KMT2C: variants seen among roughly 807,000 people sequenced by gnomAD.
KMT2C encodes lysine methyltransferase 2C, also known as histone-lysine N-methyltransferase 2C.
In KMT2C, 88 loss-of-function variants were observed where a neutral mutation model predicts 507.9. The observed-to-expected ratio is 0.17, with a 90% CI of 0.15 to 0.21. KMT2C has a LOEUF of 0.21. Ranked by LOEUF, KMT2C falls within the 10% of genes least tolerant of loss-of-function variation. The pLI is 1.00. For missense variants in KMT2C, 4,954 were observed against 5,957.8 expected (o/e 0.83, Z 5.55); for synonymous variants, 2,049 against 2,080.8 (o/e 0.98, Z 0.42).
intron 2 of KMT2C, among the ~76,000 whole-genome samples, chr7:152,341,316 T>C (rs1045946626): frequency 6.6e-6 from 1 of 152,238 alleles, no homozygotes; most frequent in South Asian, 2.1e-4. Context: ...AAATGATTTG[T>C]TACGTGGCAA....
intron 2 of KMT2C, among the ~76,000 whole-genome samples, chr7:152,343,568 A>C (rs902665092): frequency 6.6e-6 from 1 of 152,118 alleles, no homozygotes; most frequent in African/African-American, 2.4e-5. Context: ...TCCTCAAATT[A>C]ATCTCAGAAA....
rs1423231305 is a variant in KMT2C at position 152,213,583 on chromosome 7, A to T, written c.3713-6155T>A. ...TAAAAAGCAACTCAAAATAGATTAA[A>T]TACCTAACACCTGAAACCATAAAAC... On this transcript the variant is annotated intron_variant, in intron 23 of 58. Transcript: ENST00000262189. 4.6e-5 allele frequency among the ~76,000 whole-genome samples: 7 copies of T among 152,314 alleles called. No individual in the cohort carries two copies. In the East Asian group the frequency reaches 1.3e-3, roughly 29 times the overall value.
Position 152,250,002 on chromosome 7 carries a change from A to G in KMT2C, c.1736-49T>C, listed in dbSNP as rs763392367. 10 of 1,095,864 alleles carry G rather than the reference A, an allele frequency of 9.1e-6. No homozygotes were observed. The Admixed American group carries it at 1.7e-4, about 19-fold the overall frequency. The allele number at this position is 1,095,864 out of a possible 1,614,324, so 67.9% of individuals were successfully genotyped here. A position where few individuals can be genotyped will look rare whatever the true frequency, so the allele number is the denominator to read the frequency against. Reference sequence around the variant, plus strand: ...TCTCTAAGGAGTCAAAATTTCTGTAACACTGTTCCCTCAACAGTAATTTGA... The same window carrying G: ...TCTCTAAGGAGTCAAAATTTCTGTAGCACTGTTCCCTCAACAGTAATTTGA... On this transcript the variant is annotated intron_variant, in intron 12 of 58. Coordinates refer to ENST00000262189, the MANE Select transcript of KMT2C (RefSeq NM_170606.3).
intron 6 of KMT2C, among the ~76,000 whole-genome samples, chr7:152,307,255 TAGGAAGGA>T (rs1203026089): frequency 4.1e-5 from 2 of 49,346 alleles, no homozygotes; most frequent in South Asian, 6.7e-4. Context: ...GGAAGGACGG[TAGGAAGGA>T]AGGAAGGAAG....
Position 152,156,329 on chromosome 7 carries a change from ATTAC to A in KMT2C, c.11684_11687del (p.Ser3895IlefsTer38). ...GAAGAGAGGCAGGGGGTGTTGGAGG[ATTAC>A]TTAAATTATTCTGCTGCAGGAGACC... On this transcript the variant is annotated frameshift_variant, in exon 45 of 59. Coordinates refer to ENST00000262189, the MANE Select transcript of KMT2C (RefSeq NM_170606.3). LOFTEE classifies it high-confidence loss of function. 6.2e-7 allele frequency: 1 copy of A among 1,614,058 alleles called. No homozygotes were observed. Among genetic ancestry groups the A allele is most frequent in the Non-Finnish European group, 8.5e-7 (1 of 1,179,960 alleles).
chr7:152,154,339 A>G lies in KMT2C; in HGVS notation c.12067T>C (p.Leu4023=), dbSNP rs775557782. The stretch of plus-strand genomic sequence containing the variant: ...GGTTCTGGAGGCTCCTCCTTGACCA[A>G]TGACAGATCTGGATACCTGCTCACT... ...VEVSRYPDLS[L]VKEEPPEPVP... is the part of the protein sequence containing the mutation. Residue 4023 remains leucine (L), a synonymous_variant, in exon 47 of 59, where the codon TTG becomes CTG. Transcript: ENST00000262189. 5 of 1,614,086 alleles carry G rather than the reference A, an allele frequency of 3.1e-6. No homozygotes were observed. Among genetic ancestry groups the G allele is most frequent in the African/African-American group, 1.3e-5 (1 of 74,934 alleles).
intron 25 of KMT2C, among the ~76,000 whole-genome samples, chr7:152,204,147 T>C (rs528535300): frequency 6.6e-6 from 1 of 150,506 alleles, no homozygotes; most frequent in African/African-American, 2.4e-5. Context: ...AAAAAACAAC[T>C]CCTGGCTGGA....
At chr7:152,277,715 AAAG>A in intron 6 of KMT2C, among the ~76,000 whole-genome samples, 1 of 152,288 alleles carries the variant, frequency 6.6e-6, no homozygotes, top group East Asian at 1.9e-4. Flanking sequence ...CATTACAAAA[AAAG>A]AAGAATCGGG....
chr7:152,242,047 C>G (rs1185857371), intron 14 of KMT2C, among the ~76,000 whole-genome samples: 1 of 152,000 alleles, frequency 6.6e-6, no homozygotes, highest in South Asian at 2.1e-4. Flanking sequence ...TAAAATATAG[C>G]TATAATTACC....
chr7:152,420,866 A>T (rs1298994674), intron 1 of KMT2C, among the ~76,000 whole-genome samples: 1 of 151,984 alleles, frequency 6.6e-6, no homozygotes, highest in Non-Finnish European at 1.5e-5. Flanking sequence ...AGAATCTGTA[A>T]GGAACTTAAA....
At chr7:152,176,167 G>C (rs186442840) in intron 38 of KMT2C, 24 bp downstream of exon 38, 1 of 1,562,392 alleles carries the variant, frequency 6.4e-7, no homozygotes, top group African/African-American at 1.4e-5. Context: ...AGTAATATAC[G>C]TTGAGACTCA....
intron 1 of KMT2C, among the ~76,000 whole-genome samples, chr7:152,401,680 G>C (rs2116610881): frequency 6.6e-6 from 1 of 152,128 alleles, no homozygotes; most frequent in African/African-American, 2.4e-5. Flanking sequence ...AACAGAGCAA[G>C]ACTGTCTCAA....
At chr7:152,291,822 G>A (rs1219085465) in intron 6 of KMT2C, among the ~76,000 whole-genome samples, 2 of 152,224 alleles carry the variant, frequency 1.3e-5, no homozygotes, top group African/African-American at 2.4e-5. Flanking sequence ...AATTACTCTC[G>A]CTGAAAGGCT....
chr7:152,327,944 C>T (rs1212148520), intron 3 of KMT2C, among the ~76,000 whole-genome samples: 7 of 131,628 alleles, frequency 5.3e-5, no homozygotes, highest in South Asian at 2.3e-4. Context: ...GGCAACAGAG[C>T]GAGACTCCGC....
chr7:152,151,937 T>C (rs2091659939), intron 49 of KMT2C, among the ~76,000 whole-genome samples: 1 of 152,136 alleles, frequency 6.6e-6, no homozygotes, highest in South Asian at 2.1e-4. Context: ...AAAAAACATT[T>C]TATGAAAGAT....
intron 23 of KMT2C, among the ~76,000 whole-genome samples, chr7:152,212,042 C>T (rs1476378588): frequency 6.6e-6 from 1 of 151,924 alleles, no homozygotes; most frequent in Admixed American, 6.6e-5. Context: ...AGCAAGACTC[C>T]ATCGAAAGAA....
intron 6 of KMT2C, among the ~76,000 whole-genome samples, chr7:152,307,179 GGAAGGAAAGAAGAGGGAGGA>G (rs1291866856): frequency 2.8e-5 from 4 of 143,924 alleles, no homozygotes; most frequent in Admixed American, 7.2e-5. Flanking sequence ...AGAAGAGGAA[GGAAGGAAAGAAGAGGGAGGA>G]AGGAAGGAAG....
intron 9 of KMT2C, among the ~76,000 whole-genome samples, chr7:152,259,461 C>A (rs1452516613): frequency 6.8e-6 from 1 of 146,258 alleles, no homozygotes; most frequent in Non-Finnish European, 1.5e-5. Context: ...CACACACACA[C>A]ACACACACAC....
intron 6 of KMT2C, among the ~76,000 whole-genome samples, chr7:152,302,268 G>A (rs997386878): frequency 1.3e-5 from 2 of 152,008 alleles, no homozygotes; most frequent in African/African-American, 4.8e-5. Flanking sequence ...TGGAGTTTTA[G>A]GCAGGAGTGC....
Sources: allele counts gnomAD v4.1 joint callset (sites outside exome capture counted in the v4.1 genomes callset), GRCh38; gene constraint gnomAD v4.1.1; transcripts MANE v1.5; gene names NCBI Gene and HGNC (gene_info 2026-07-23, HGNC 2026-07-21).